Variants in SYNRG observed in about 807,000 individuals in gnomAD.
SYNRG encodes synergin gamma.
SYNRG carries 37 observed loss-of-function variants against 130.9 expected under a neutral mutation model. The ratio of observed to expected loss-of-function variants is 0.28; its 90% CI spans 0.22 to 0.37. The LOEUF (loss-of-function observed/expected upper bound fraction) is 0.37, where lower values mean the gene tolerates loss of function less well. Ranked by LOEUF, SYNRG falls within the 10% of genes least tolerant of loss-of-function variation. SYNRG has a pLI of 1.00. For synonymous variants in SYNRG, 539 were observed against 568.1 expected (o/e 0.95, Z 0.73); for missense variants, 1,338 against 1,588.9 (o/e 0.84, Z 2.68).
In SYNRG at chr17:37,582,535, C is replaced by G. The variant is rs955106583; in HGVS notation, c.589+2113G>C. 8.5e-5 allele frequency among the ~76,000 whole-genome samples: 13 copies of G among 152,118 alleles called. 1 individual carries two copies. The highest frequency in any genetic ancestry group is 2.9e-4 in the African/African-American group (12 of 41,414). ...ATATTTTGGCCCATACCAACTCTAGCAGCTAGGTATATGATTAAAAAGAAG... is the reference window on the plus strand; with the variant it reads ...ATATTTTGGCCCATACCAACTCTAGGAGCTAGGTATATGATTAAAAAGAAG... On this transcript the variant is annotated intron_variant, in intron 6 of 21. Transcript: ENST00000612223.
At chr17:37,525,505 C>T (rs1375039544) in intron 19 of SYNRG, among the ~76,000 whole-genome samples, 2 of 152,170 alleles carry the variant, frequency 1.3e-5, no homozygotes, top group Non-Finnish European at 1.5e-5. Context: ...CAGGCATTGG[C>T]CTGTAACTTG....
intron 2 of SYNRG, 136 bp downstream of exon 2, chr17:37,600,227 C>A: frequency 1.5e-6 from 1 of 673,300 alleles, no homozygotes; most frequent in Non-Finnish European, 2.4e-6. Context: ...TCATATAGGA[C>A]ATACAGGTTT....
Position 37,566,296 on chromosome 17 carries a change from ATTC to A in SYNRG, c.1481+2492_1481+2494del, listed in dbSNP as rs1369789737. ...TTCATTTTGTTCTGTACTAAGAAAAATTCTTCTGCCTTGGGATCCTGTTGATCT... is the reference window on the plus strand; with the variant it reads ...TTCATTTTGTTCTGTACTAAGAAAAATTCTGCCTTGGGATCCTGTTGATCT... On this transcript the variant is annotated intron_variant, in intron 11 of 21. Transcript: ENST00000612223. Among the ~76,000 whole-genome samples the A allele has an allele frequency of 2.2e-4, 33 of 147,240 alleles. No homozygotes were observed. The East Asian group carries it at 5.7e-3, about 25-fold the overall frequency.
chr17:37,562,603 G>GT (rs781524426), intron 11 of SYNRG, among the ~76,000 whole-genome samples: 2 of 152,128 alleles, frequency 1.3e-5, no homozygotes, highest in Non-Finnish European at 2.9e-5. Flanking sequence ...TACAAGCAAG[G>GT]TAAAAACTAG....
intron 19 of SYNRG, among the ~76,000 whole-genome samples, chr17:37,532,998 G>A (rs1251417258): frequency 1.3e-5 from 2 of 152,158 alleles, no homozygotes; most frequent in Non-Finnish European, 2.9e-5. Context: ...ACTACCCAAT[G>A]AAAACTGTTG....
chr17:37,588,259 T>C (rs1030265472), intron 3 of SYNRG, among the ~76,000 whole-genome samples: 31 of 44,148 alleles, frequency 7.0e-4, no homozygotes, highest in Non-Finnish European at 9.6e-4. Flanking sequence ...CTTTAAATTC[T>C]TTTTTTTTTT....
At chr17:37,584,013 A>T (rs2061520025) in intron 6 of SYNRG, among the ~76,000 whole-genome samples, 2 of 152,298 alleles carry the variant, frequency 1.3e-5, no homozygotes, top group South Asian at 4.1e-4. Context: ...TTGAATTTTT[A>T]AAAATAATGT....
intron 14 of SYNRG, among the ~76,000 whole-genome samples, chr17:37,545,861 A>G (rs2058236676): frequency 6.6e-6 from 1 of 152,240 alleles, no homozygotes; most frequent in African/African-American, 2.4e-5. Context: ...GTAATTTCGT[A>G]AAGTGTAATT....
Position 37,516,581 on chromosome 17 carries a change from T to C in SYNRG, c.*2359A>G, listed in dbSNP as rs1181989717. On this transcript the variant is annotated 3_prime_UTR_variant, in exon 22 of 22. Coordinates refer to ENST00000612223, the MANE Select transcript of SYNRG (RefSeq NM_007247.6). ...CCAAGTGAGCTTTTTAAAATGTTGA[T>C]ACTGGGCCACTGTGACATGACAGGC... 1.3e-5 allele frequency: 2 copies of C among 151,918 alleles called. No individual in the cohort carries two copies. The highest frequency in any genetic ancestry group is 2.4e-5 in the African/African-American group (1 of 41,362). 9.4% of individuals were successfully genotyped at this position (151,918 alleles called of 1,614,324 possible). A position where few individuals can be genotyped will look rare whatever the true frequency, so the allele number is the denominator to read the frequency against.
At chr17:37,604,357 C>CT (rs1260636082) in intron 1 of SYNRG, among the ~76,000 whole-genome samples, 1 of 152,096 alleles carries the variant, frequency 6.6e-6, no homozygotes, top group Non-Finnish European at 1.5e-5. Flanking sequence ...TCACCTTGTA[C>CT]TTTTTTGTTA....
Position 37,517,716 on chromosome 17 carries a change from T to C in SYNRG, c.*1224A>G, listed in dbSNP as rs910961596. On this transcript the variant is annotated 3_prime_UTR_variant, in exon 22 of 22. Transcript: ENST00000612223. ...GTCAGAGGGTCTAAACCACACAAAGTAAAGCACACGAGATTGAAAAATCTC... is the reference window on the plus strand; with the variant it reads ...GTCAGAGGGTCTAAACCACACAAAGCAAAGCACACGAGATTGAAAAATCTC... The C allele has an allele frequency of 6.6e-5, 10 of 151,996 alleles. No individual in the cohort carries two copies. Among genetic ancestry groups the C allele is most frequent in the African/African-American group, 1.2e-4 (5 of 41,376 alleles). 9.4% of individuals were successfully genotyped at this position (151,996 alleles called of 1,614,324 possible). A position where few individuals can be genotyped will look rare whatever the true frequency, so the allele number is the denominator to read the frequency against.
intron 19 of SYNRG, among the ~76,000 whole-genome samples, chr17:37,533,926 CTTTTTTTT>C (rs765621244): frequency 1.7e-5 from 1 of 57,790 alleles, no homozygotes; most frequent in Non-Finnish European, 3.2e-5. Flanking sequence ...ATTTTCTTTT[CTTTTTTTT>C]TTTTTTTTTT....
chr17:37,590,892 G>A (rs564336808), intron 3 of SYNRG, among the ~76,000 whole-genome samples: 13 of 152,248 alleles, frequency 8.5e-5, no homozygotes, highest in African/African-American at 3.1e-4. Flanking sequence ...TGCACTCCAA[G>A]CCTGGGCGAC....
At chr17:37,544,046 T>A (rs2058034178) in intron 14 of SYNRG, among the ~76,000 whole-genome samples, 1 of 152,246 alleles carries the variant, frequency 6.6e-6, no homozygotes, top group Admixed American at 6.5e-5. Context: ...CAATACTGCA[T>A]AATTTATGAG....
intron 6 of SYNRG, among the ~76,000 whole-genome samples, chr17:37,582,441 G>A (rs1330520105): frequency 6.6e-6 from 1 of 152,076 alleles, no homozygotes; most frequent in Non-Finnish European, 1.5e-5. Context: ...TATTTCCTTG[G>A]GATATACTGT....
rs541510386 is a variant in SYNRG at position 37,518,800 on chromosome 17, C to T, written c.*140G>A. 1.9e-4 allele frequency: 235 copies of T among 1,234,080 alleles called. 2 individuals are homozygous for T. In the South Asian group the frequency reaches 3.4e-3, roughly 18 times the overall value. 76.4% of individuals were successfully genotyped at this position (1,234,080 alleles called of 1,614,324 possible). The stretch of plus-strand genomic sequence containing the variant: ...TCCTGCAGACTGGCCGTGGGGATGA[C>T]GGGGGCCCCGTCCCTTGCGGTGTTC... On this transcript the variant is annotated 3_prime_UTR_variant, in exon 22 of 22. Coordinates refer to ENST00000612223, the MANE Select transcript of SYNRG (RefSeq NM_007247.6).
intron 15 of SYNRG, chr17:37,541,165 G>C: frequency 2.0e-6 from 2 of 985,508 alleles, no homozygotes; most frequent in South Asian, 9.4e-5. Context: ...ATATCAGTAT[G>C]TAAGAGTTGT....
At position 37,585,553 on chromosome 17, in the gene SYNRG, A is replaced by G. The variant is rs2061630786; in HGVS notation, c.372-123T>C. On this transcript the variant is annotated intron_variant, in intron 4 of 21. Transcript: ENST00000612223. Reference sequence around the variant, plus strand: ...TTCCAGAAGTGTAAATTTCATTGCTAAATATCTAGTTTTCTTACGACAATC... The same window carrying G: ...TTCCAGAAGTGTAAATTTCATTGCTGAATATCTAGTTTTCTTACGACAATC... 1.2e-5 allele frequency: 8 copies of G among 645,384 alleles called. No individual in the cohort carries two copies. The South Asian group carries it at 1.4e-4, about 11-fold the overall frequency. The allele number at this position is 645,384 out of a possible 1,614,324, so 40.0% of individuals were successfully genotyped here.
chr17:37,605,974 A>C (rs185861381), intron 1 of SYNRG: 538 of 985,448 alleles, frequency 5.5e-4, no homozygotes, highest in Non-Finnish European at 6.1e-4. Context: ...GATGCAGCAC[A>C]AGTGAGAGAC....
Sources: allele counts gnomAD v4.1 joint callset (sites outside exome capture counted in the v4.1 genomes callset), GRCh38; gene constraint gnomAD v4.1.1; transcripts MANE v1.5; gene names NCBI Gene and HGNC (gene_info 2026-07-23, HGNC 2026-07-21).